Variants in ADGRB3 observed in about 807,000 individuals in gnomAD.
ADGRB3 encodes brain-specific angiogenesis inhibitor 3.
ADGRB3 carries 37 observed loss-of-function variants against 193.4 expected under a neutral mutation model. The ratio of observed to expected loss-of-function variants is 0.19; its 90% CI spans 0.15 to 0.25. The LOEUF (loss-of-function observed/expected upper bound fraction) is 0.25. ADGRB3 is among the 10% of genes least tolerant of loss of function. The pLI is 1.00. For synonymous variants in ADGRB3, 690 were observed against 644.2 expected (o/e 1.07, Z -1.08); for missense variants, 1,637 against 1,852.9 (o/e 0.88, Z 2.14).
intron 17 of ADGRB3, among the ~76,000 whole-genome samples, chr6:69,173,025 T>C (rs966011666): frequency 1.9e-5 from 2 of 105,932 alleles, no homozygotes; most frequent in South Asian, 4.8e-4. Context: ...GTTTTGGTTT[T>C]TGTTTTTGTT....
intron 30 of ADGRB3, 94 bp from the exon 31 acceptor site, chr6:69,382,736 AT>A: frequency 1.2e-6 from 1 of 828,400 alleles, no homozygotes; most frequent in South Asian, 2.1e-5. Context: ...GCCAAACTTG[AT>A]TACCCTTATT....
intron 3 of ADGRB3, among the ~76,000 whole-genome samples, chr6:68,879,378 G>A (rs778726164): frequency 5.3e-5 from 8 of 151,570 alleles, no homozygotes; most frequent in African/African-American, 9.7e-5. Context: ...CACCACGCCT[G>A]GCTAATTTTT....
chr6:69,293,865 C>G (rs1767749192), intron 20 of ADGRB3, among the ~76,000 whole-genome samples: 1 of 151,984 alleles, frequency 6.6e-6, no homozygotes, highest in African/African-American at 2.4e-5. Context: ...GTCTTCTTGA[C>G]CCAGGAGTTT....
chr6:68,981,844 T>TTTTA (rs1768918957), intron 10 of ADGRB3, among the ~76,000 whole-genome samples: 1 of 134,590 alleles, frequency 7.4e-6, no homozygotes, highest in Non-Finnish European at 1.6e-5. Flanking sequence ...ATACCTATTT[T>TTTTA]GTTATTTATT....
chr6:69,247,880 A>G (rs1190856779), intron 20 of ADGRB3, among the ~76,000 whole-genome samples: 1 of 152,080 alleles, frequency 6.6e-6, no homozygotes, highest in African/African-American at 2.4e-5. Context: ...AATAATTATA[A>G]TGGAGGTCAA....
chr6:68,678,005 C>A (rs187831558), intron 3 of ADGRB3, among the ~76,000 whole-genome samples: 206 of 152,058 alleles, frequency 1.4e-3, no homozygotes, highest in Admixed American at 2.6e-3. Flanking sequence ...TCTTGATAAT[C>A]CATTCATTAA....
chr6:68,841,244 C>T (rs550996008), intron 3 of ADGRB3, among the ~76,000 whole-genome samples: 94 of 152,248 alleles, frequency 6.2e-4, no homozygotes, highest in African/African-American at 2.2e-3. Context: ...CATGATAGAA[C>T]ACATGGACCT....
intron 3 of ADGRB3, among the ~76,000 whole-genome samples, chr6:68,707,988 A>G (rs1582137720): frequency 6.6e-6 from 1 of 152,326 alleles, no homozygotes. Context: ...ACAGAGAGAC[A>G]CAGACAAGCA....
intron 31 of ADGRB3, among the ~76,000 whole-genome samples, chr6:69,383,430 T>C (rs559539846): frequency 2.0e-5 from 3 of 152,030 alleles, no homozygotes; most frequent in Non-Finnish European, 4.4e-5. Context: ...TTATTAACTG[T>C]GACCATTCTC....
intron 3 of ADGRB3, among the ~76,000 whole-genome samples, chr6:68,747,925 C>T (rs536206874): frequency 1.7e-4 from 26 of 152,110 alleles, no homozygotes; most frequent in South Asian, 8.3e-4. Flanking sequence ...AGAATCATGG[C>T]GGGAGGTGAA....
At chr6:69,188,577 G>C (rs146275266) in intron 17 of ADGRB3, among the ~76,000 whole-genome samples, 1 of 152,232 alleles carries the variant, frequency 6.6e-6, no homozygotes, top group East Asian at 1.9e-4. Flanking sequence ...CCAAAGTGCT[G>C]GTATTAAAGG....
chr6:68,815,929 A>G (rs1767624504), intron 3 of ADGRB3, among the ~76,000 whole-genome samples: 1 of 152,024 alleles, frequency 6.6e-6, no homozygotes, highest in Admixed American at 6.6e-5. Context: ...AATCCTCAGT[A>G]GTATAGGCAG....
intron 20 of ADGRB3, among the ~76,000 whole-genome samples, chr6:69,278,518 C>T (rs1767351383): frequency 6.6e-6 from 1 of 152,050 alleles, no homozygotes; most frequent in Admixed American, 6.6e-5. Context: ...TTCATATTGC[C>T]CAATGTGTAT....
chr6:69,137,026 C>T (rs898337555), intron 17 of ADGRB3, among the ~76,000 whole-genome samples: 1 of 149,872 alleles, frequency 6.7e-6, no homozygotes, highest in Non-Finnish European at 1.5e-5. Flanking sequence ...CTCATCCCAC[C>T]GATGCAGTGG....
At chr6:69,352,589 T>A (rs904241913) in intron 26 of ADGRB3, among the ~76,000 whole-genome samples, 3 of 151,920 alleles carry the variant, frequency 2.0e-5, no homozygotes, top group Non-Finnish European at 4.4e-5. Flanking sequence ...GGACCGGAGG[T>A]GGAGAAATAG....
At chr6:68,984,344 A>G (rs1045105104) in intron 10 of ADGRB3, among the ~76,000 whole-genome samples, 4 of 152,120 alleles carry the variant, frequency 2.6e-5, no homozygotes, top group African/African-American at 7.2e-5. Context: ...GAGGCAGGGA[A>G]GGCAGGGCCA....
At chr6:69,320,199 C>G (rs1264201355) in intron 20 of ADGRB3, among the ~76,000 whole-genome samples, 1 of 151,404 alleles carries the variant, frequency 6.6e-6, no homozygotes, top group East Asian at 1.9e-4. Flanking sequence ...TTCCTCTACT[C>G]CCTTGCAACT....
At chr6:69,261,013 T>C (rs1766912768) in intron 20 of ADGRB3, among the ~76,000 whole-genome samples, 1 of 152,160 alleles carries the variant, frequency 6.6e-6, no homozygotes, top group African/African-American at 2.4e-5. Flanking sequence ...ATTTCTAAAA[T>C]CATAGCAGTT....
At chr6:68,905,910 C>T (rs562715740) in intron 3 of ADGRB3, among the ~76,000 whole-genome samples, 14 of 152,116 alleles carry the variant, frequency 9.2e-5, no homozygotes, top group Middle Eastern at 3.4e-3. Flanking sequence ...TCTAGTTTCC[C>T]TCTCTATATT....
Sources: allele counts gnomAD v4.1 joint callset (sites outside exome capture counted in the v4.1 genomes callset), GRCh38; gene constraint gnomAD v4.1.1; transcripts MANE v1.5; gene names NCBI Gene and HGNC (gene_info 2026-07-23, HGNC 2026-07-21).